Variants in ADGRF1 observed in about 807,000 individuals in gnomAD.
ADGRF1 encodes adhesion G protein-coupled receptor F1, also known as G protein-coupled receptor 110.
ADGRF1 carries 85 observed loss-of-function variants against 87.2 expected under a neutral mutation model. That is an observed-to-expected ratio of 0.97 (90% CI 0.82 to 1.17). The LOEUF (loss-of-function observed/expected upper bound fraction) is 1.17, where lower values mean the gene tolerates loss of function less well. ADGRF1 is among the 50% of genes most tolerant of loss of function. ADGRF1 has a pLI of 0.00. For synonymous variants in ADGRF1, 430 were observed against 408.8 expected (o/e 1.05, Z -0.63); for missense variants, 1,169 against 1,077.2 (o/e 1.09, Z -1.19).
intron 13 of ADGRF1, 70 bp downstream of exon 13, chr6:47,005,747 G>C: frequency 9.0e-7 from 1 of 1,111,192 alleles, no homozygotes; most frequent in African/African-American, 1.6e-5. Context: ...CTTGCAGCAA[G>C]ACTGTATAAA....
In ADGRF1 at chr6:47,013,019, G is replaced by T. The variant is rs942988278; in HGVS notation, c.928-824C>A. On this transcript the variant is annotated intron_variant, in intron 9 of 14. Coordinates refer to ENST00000371253, the MANE Select transcript of ADGRF1 (RefSeq NM_153840.4). Reference sequence around the variant, plus strand: ...GAACTCTTGACCTCATGATCTGCCCGGCTTGGCCTCCCAAAGTGCTAGGAT... The same window carrying T: ...GAACTCTTGACCTCATGATCTGCCCTGCTTGGCCTCCCAAAGTGCTAGGAT... 6 of 952,322 alleles carry T rather than the reference G, an allele frequency of 6.3e-6. No individual in the cohort carries two copies. In the South Asian group the frequency reaches 1.5e-4, roughly 23 times the overall value. The allele number at this position is 952,322 out of a possible 1,614,324, so 59.0% of individuals were successfully genotyped here.
chr6:47,009,489 G>C lies in ADGRF1; in HGVS notation c.1946C>G (p.Thr649Ser). 2 of 1,613,968 alleles carry C rather than the reference G, an allele frequency of 1.2e-6. No homozygotes were observed. The highest frequency in any genetic ancestry group is 1.7e-6 in the Non-Finnish European group (2 of 1,179,974). ...GCAGACTCCAGAAGGGTTCACCGTG[G>C]TGTCCACTGTGGCACCAACAATAAA... ...VWFIVGATVD[T>S]TVNPSGVCTA... The change falls in exon 11 of 15, where the codon ACC becomes AGC. Residue 649 changes from threonine (T) to serine (S), a missense_variant. Coordinates refer to ENST00000371253, the MANE Select transcript of ADGRF1 (RefSeq NM_153840.4).
chr6:47,032,436 T>C (rs1780455982), intron 1 of ADGRF1, among the ~76,000 whole-genome samples: 1 of 152,244 alleles, frequency 6.6e-6, no homozygotes, highest in South Asian at 2.1e-4. Context: ...ACATTATTTG[T>C]TGTCTAAAAT....
At chr6:47,005,391 A>C (rs1779493561) in intron 13 of ADGRF1, among the ~76,000 whole-genome samples, 1 of 152,206 alleles carries the variant, frequency 6.6e-6, no homozygotes, top group South Asian at 2.1e-4. Context: ...AGTTAACCAA[A>C]TTTAAAGACA....
At chr6:47,020,382 G>A in intron 7 of ADGRF1, 1 of 813,940 alleles carries the variant, frequency 1.2e-6, no homozygotes, top group Non-Finnish European at 1.8e-6. Flanking sequence ...TGTAATTCCA[G>A]CTACTTGGGA....
At chr6:47,029,142 A>G in intron 1 of ADGRF1, 38 bp from the exon 2 acceptor site, 13 of 1,197,488 alleles carry the variant, frequency 1.1e-5, no homozygotes, top group Non-Finnish European at 1.6e-5. Flanking sequence ...AGAGGCACAA[A>G]AACAAGAAAT....
intron 1 of ADGRF1, among the ~76,000 whole-genome samples, chr6:47,031,707 C>T (rs1484195307): frequency 6.6e-6 from 1 of 152,088 alleles, no homozygotes; most frequent in Non-Finnish European, 1.5e-5. Flanking sequence ...ACAGGTCAGG[C>T]CCAGCTATGT....
intron 13 of ADGRF1, among the ~76,000 whole-genome samples, chr6:47,004,848 C>G (rs551170644): frequency 5.3e-5 from 8 of 152,314 alleles, no homozygotes; most frequent in African/African-American, 1.7e-4. Flanking sequence ...TAAGATCACA[C>G]AGTCAATTGG....
At chr6:47,003,229 G>A (rs1779412048) in intron 13 of ADGRF1, among the ~76,000 whole-genome samples, 1 of 152,126 alleles carries the variant, frequency 6.6e-6, no homozygotes. Context: ...AAGACTGATA[G>A]AACAAATCTT....
At chr6:47,030,784 A>T in intron 1 of ADGRF1, among the ~76,000 whole-genome samples, 1 of 150,120 alleles carries the variant, frequency 6.7e-6, no homozygotes, top group Admixed American at 6.7e-5. Context: ...TTTTTTTGAG[A>T]TGGAGTTTCT....
chr6:47,020,592 G>T (rs887920048), intron 7 of ADGRF1, 139 bp downstream of exon 7: 6 of 1,525,800 alleles, frequency 3.9e-6, no homozygotes, highest in Non-Finnish European at 4.4e-6. Flanking sequence ...ACAGATCCTT[G>T]TTCACTTAGT....
chr6:47,019,802 A>T lies in ADGRF1; in HGVS notation c.611+929T>A, dbSNP rs189515633. 1.0e-3 allele frequency: 1,034 copies of T among 985,090 alleles called. 6 individuals are homozygous for T. In the African/African-American group the frequency reaches 0.017, roughly 16 times the overall value. The allele number at this position is 985,090 out of a possible 1,614,324, so 61.0% of individuals were successfully genotyped here. On this transcript the variant is annotated intron_variant, in intron 7 of 14. Coordinates refer to ENST00000371253, the MANE Select transcript of ADGRF1 (RefSeq NM_153840.4). ...TGACCTCTAAGCCACTTTCTCTAACAAGCAGACAGATTATTAATAGTTGGT... is the reference window on the plus strand; with the variant it reads ...TGACCTCTAAGCCACTTTCTCTAACTAGCAGACAGATTATTAATAGTTGGT...
At position 47,005,889 on chromosome 6, in the gene ADGRF1, C is replaced by T; in HGVS notation, c.2533-13G>A. On this transcript the variant is annotated splice_polypyrimidine_tract_variant and intron_variant, in intron 12 of 14. Coordinates refer to ENST00000371253, the MANE Select transcript of ADGRF1 (RefSeq NM_153840.4). The stretch of plus-strand genomic sequence containing the variant: ...GAAGTTGTCGCAGCTATAAGGGCAA[C>T]AAAGAAATATTGAGGAGATACACAT... 1 of 1,599,956 alleles carries T rather than the reference C, an allele frequency of 6.3e-7. No homozygotes were observed. Among genetic ancestry groups the T allele is most frequent in the Non-Finnish European group, 8.6e-7 (1 of 1,169,388 alleles).
At chr6:47,002,165 T>C (rs180780249) in intron 13 of ADGRF1, among the ~76,000 whole-genome samples, 4 of 152,344 alleles carry the variant, frequency 2.6e-5, no homozygotes, top group Admixed American at 2.6e-4. Context: ...AGTTCATCAT[T>C]CATTTGTCCA....
chr6:47,007,292 T>G lies in ADGRF1; in HGVS notation c.2493A>C (p.Gly831=). Residue 831 remains glycine (G), a splice_region_variant and synonymous_variant, in exon 12 of 15, where the codon GGA becomes GGC. Coordinates refer to ENST00000371253, the MANE Select transcript of ADGRF1 (RefSeq NM_153840.4). ...GTATTCCAAAGCATAAGATAAAAAA[T>G]CCCTTTAAAAAGAAAGGAATAAATC... The part of the protein sequence containing the change: ...VIFALLNAFQ[G]FFILCFGILL... 6.5e-7 allele frequency: 1 copy of G among 1,527,510 alleles called. No individual in the cohort carries two copies. The highest frequency in any genetic ancestry group is 1.4e-5 in the African/African-American group (1 of 73,046). The allele number at this position is 1,527,510 out of a possible 1,614,324, so 94.6% of individuals were successfully genotyped here.
intron 1 of ADGRF1, among the ~76,000 whole-genome samples, chr6:47,034,425 T>C (rs544011388): frequency 1.3e-5 from 2 of 152,376 alleles, no homozygotes; most frequent in African/African-American, 4.8e-5. Flanking sequence ...AATTTAATTA[T>C]TGGGTTCAGA....
At chr6:47,015,653 T>A (rs963799515) in intron 8 of ADGRF1, among the ~76,000 whole-genome samples, 2 of 152,096 alleles carry the variant, frequency 1.3e-5, no homozygotes, top group African/African-American at 2.4e-5. Flanking sequence ...AGTGGAGTGA[T>A]CTCGGCTCAC....
At chr6:47,033,134 TCA>T (rs1780481697) in intron 1 of ADGRF1, among the ~76,000 whole-genome samples, 1 of 152,214 alleles carries the variant, frequency 6.6e-6, no homozygotes. Context: ...CATGTTTCCA[TCA>T]CACCTTGTGC....
chr6:47,022,792 CTTTTCTT>C (rs1411571139), intron 5 of ADGRF1, among the ~76,000 whole-genome samples: 11 of 144,072 alleles, frequency 7.6e-5, no homozygotes, highest in East Asian at 4.0e-4. Context: ...TCCTTTCTTT[CTTTTCTT>C]TTTTCTTTTT....
Sources: allele counts gnomAD v4.1 joint callset (sites outside exome capture counted in the v4.1 genomes callset), GRCh38; gene constraint gnomAD v4.1.1; transcripts MANE v1.5; gene names NCBI Gene and HGNC (gene_info 2026-07-23, HGNC 2026-07-21).